BTC: variants seen among roughly 807,000 people sequenced by gnomAD.
BTC encodes betacellulin.
Under a neutral mutation model 18.1 loss-of-function variants are expected in BTC, and 13 were observed. The observed-to-expected ratio is 0.72, with a 90% CI of 0.47 to 1.14. The LOEUF (loss-of-function observed/expected upper bound fraction) is 1.14, where lower values mean the gene tolerates loss of function less well. Ranked by LOEUF, BTC falls within the 50% of genes most tolerant of loss-of-function variation. The pLI is 0.00. For missense variants in BTC, 247 were observed against 224.2 expected (o/e 1.10, Z -0.65); for synonymous variants, 83 against 79.4 (o/e 1.05, Z -0.24).
chr4:74,766,875 A>T (rs773673666), intron 2 of BTC, among the ~76,000 whole-genome samples: 15 of 152,140 alleles, frequency 9.9e-5, no homozygotes, highest in Non-Finnish European at 1.9e-4. Context: ...AAAATTCAAC[A>T]CCTTTTCATA....
At chr4:74,781,919 T>C (rs1301301134) in intron 1 of BTC, among the ~76,000 whole-genome samples, 1 of 152,080 alleles carries the variant, frequency 6.6e-6, no homozygotes, top group Non-Finnish European at 1.5e-5. Flanking sequence ...TATGACTTTG[T>C]CTCAGTCACA....
intron 1 of BTC, among the ~76,000 whole-genome samples, chr4:74,777,646 A>C (rs879567762): frequency 5.9e-5 from 9 of 152,124 alleles, no homozygotes; most frequent in Non-Finnish European, 1.0e-4. Context: ...AATATGCCTC[A>C]GCTAATTAAT....
intron 1 of BTC, among the ~76,000 whole-genome samples, chr4:74,791,366 GAAAAA>G (rs1725621638): frequency 6.8e-6 from 1 of 146,830 alleles, no homozygotes; most frequent in Non-Finnish European, 1.5e-5. Flanking sequence ...AAAAGAAAAA[GAAAAA>G]GAAAATACAG....
At chr4:74,770,552 G>A (rs1268561202) in intron 1 of BTC, among the ~76,000 whole-genome samples, 1 of 152,148 alleles carries the variant, frequency 6.6e-6, no homozygotes, top group Non-Finnish European at 1.5e-5. Context: ...TCCACAAAGA[G>A]CCAGCGTTCT....
At chr4:74,781,384 C>CGT (rs139134613) in intron 1 of BTC, among the ~76,000 whole-genome samples, 8,056 of 126,452 alleles carry the variant, frequency 0.064, 276 homozygotes, top group Admixed American at 0.13. Context: ...TCTCTCGTCA[C>CGT]GTGTGTGTGT....
intron 1 of BTC, among the ~76,000 whole-genome samples, chr4:74,782,946 G>T (rs1385304328): frequency 1.3e-5 from 2 of 152,054 alleles, no homozygotes; most frequent in Admixed American, 6.6e-5. Context: ...TAATGGGGTG[G>T]TTTGTTTTCT....
At chr4:74,750,443 A>G (rs955045725) in intron 4 of BTC, 130 bp downstream of exon 4, 1 of 937,138 alleles carries the variant, frequency 1.1e-6, no homozygotes, top group African/African-American at 1.7e-5. Context: ...AACAATGGCA[A>G]AGCTCAAAAA....
chr4:74,750,108 T>C (rs1553955991), intron 4 of BTC, among the ~76,000 whole-genome samples: 1 of 151,802 alleles, frequency 6.6e-6, no homozygotes, highest in East Asian at 1.9e-4. Flanking sequence ...AATAAATAAA[T>C]AAATACAAAT....
chr4:74,750,344 A>G (rs1724425931), intron 4 of BTC, among the ~76,000 whole-genome samples: 1 of 152,220 alleles, frequency 6.6e-6, no homozygotes. Context: ...GTAGCCTACT[A>G]TACAAATTTT....
intron 2 of BTC, among the ~76,000 whole-genome samples, chr4:74,762,550 T>C (rs1724788921): frequency 6.7e-6 from 1 of 150,004 alleles, no homozygotes; most frequent in South Asian, 2.1e-4. Context: ...GAATAAAGTA[T>C]AATAAAATAA....
At chr4:74,749,831 C>G (rs910090733) in intron 4 of BTC, among the ~76,000 whole-genome samples, 2 of 149,026 alleles carry the variant, frequency 1.3e-5, no homozygotes, top group Non-Finnish European at 1.5e-5. Context: ...TACAGTGGCT[C>G]ACTCCTGTAA....
chr4:74,794,006 C>A (rs1725702766), intron 1 of BTC, among the ~76,000 whole-genome samples: 1 of 152,028 alleles, frequency 6.6e-6, no homozygotes, highest in Non-Finnish European at 1.5e-5. Flanking sequence ...GCACTGGCAG[C>A]GAGGACCTCG....
chr4:74,755,949 C>A lies in BTC; in HGVS notation c.191G>T (p.Gly64Val). Residue 64 changes from glycine (G) to valine (V), a missense_variant, in exon 3 of 6, where the codon GGC (glycine) becomes GTC (valine). By Grantham distance (109) the Gly-to-Val change is moderately radical. Coordinates refer to ENST00000395743, the MANE Select transcript of BTC (RefSeq NM_001729.4). The stretch of plus-strand genomic sequence containing the variant: ...TTGCTTGGGGCACCTAGAGAAGTGG[C>A]CTTTCCGCTTTGATTGTGTGGTGGT... ...AATTTQSKRK[G>V]HFSRCPKQYK... is the part of the protein sequence containing the mutation. 1.2e-6 allele frequency: 2 copies of A among 1,614,120 alleles called. No individual in the cohort carries two copies. Among genetic ancestry groups the A allele is most frequent in the Non-Finnish European group, 1.7e-6 (2 of 1,180,018 alleles).
chr4:74,749,592 T>C (rs909547875), intron 4 of BTC, among the ~76,000 whole-genome samples: 1 of 151,542 alleles, frequency 6.6e-6, no homozygotes, highest in Non-Finnish European at 1.5e-5. Context: ...ACCCTCTTTA[T>C]GTGTGGACCA....
chr4:74,758,811 T>A (rs1461110615), intron 2 of BTC, among the ~76,000 whole-genome samples: 1 of 152,212 alleles, frequency 6.6e-6, no homozygotes, highest in African/African-American at 2.4e-5. Context: ...GTAAGCATGC[T>A]CTTAAATATT....
At chr4:74,746,964 A>G (rs1553955557) in intron 5 of BTC, among the ~76,000 whole-genome samples, 1 of 152,192 alleles carries the variant, frequency 6.6e-6, no homozygotes, top group Non-Finnish European at 1.5e-5. Flanking sequence ...GGCCTTTCTT[A>G]GGACCTAAGA....
intron 1 of BTC, among the ~76,000 whole-genome samples, chr4:74,790,571 T>G (rs1244027458): frequency 8.5e-5 from 13 of 152,172 alleles, no homozygotes; most frequent in Non-Finnish European, 1.6e-4. Context: ...TCAGGGAGAC[T>G]ATGAAGCGAT....
chr4:74,779,864 CA>C (rs1440169746), intron 1 of BTC, among the ~76,000 whole-genome samples: 1 of 152,090 alleles, frequency 6.6e-6, no homozygotes, highest in African/African-American at 2.4e-5. Flanking sequence ...AAACCATTTG[CA>C]GAGACTAGGA....
At chr4:74,764,964 A>G (rs1396648730) in intron 2 of BTC, among the ~76,000 whole-genome samples, 1 of 135,564 alleles carries the variant, frequency 7.4e-6, no homozygotes, top group Non-Finnish European at 1.5e-5. Flanking sequence ...GAGCTTGTGC[A>G]GGGGAACTCC....
Sources: gnomAD v4.1 joint callset for allele counts (sites outside exome capture counted in the v4.1 genomes callset) on GRCh38, gnomAD v4.1.1 for gene constraint, MANE v1.5 for transcripts, NCBI Gene and HGNC (gene_info 2026-07-23, HGNC 2026-07-21) for gene names.